The following PPP4R1 variants were observed in gnomAD, a reference collection of about 807,000 sequenced individuals.
The protein encoded by PPP4R1 is serine/threonine-protein phosphatase 4 regulatory subunit 1.
PPP4R1 carries 42 observed loss-of-function variants against 111.2 expected under a neutral mutation model. The observed-to-expected ratio is 0.38, with a 90% confidence interval of 0.29 to 0.49. The LOEUF is 0.49. PPP4R1 is among the 20% of genes least tolerant of loss of function. The pLI is 0.97. For synonymous variants in PPP4R1, 409 were observed against 405.5 expected (o/e 1.01, Z -0.10); for missense variants, 1,012 against 1,161.6 (o/e 0.87, Z 1.87).
At chr18:9,548,226 C>A (rs2066429535) in intron 19 of PPP4R1, among the ~76,000 whole-genome samples, 1 of 150,564 alleles carries the variant, frequency 6.6e-6, no homozygotes, top group Non-Finnish European at 1.5e-5. Flanking sequence ...ATGAAAACAT[C>A]ACACTTCTTA....
rs745526550 is a variant in PPP4R1, at chr18:9,577,100, T to C, written c.1010A>G (p.Lys337Arg). The change falls in exon 10 of 20, where the codon AAA becomes AGA. Residue 337 changes from lysine (K) to arginine (R), a missense_variant. Transcript: ENST00000400556. The stretch of plus-strand genomic sequence containing the variant: ...TTCTACTGACATCTCTTCTGAACTT[T>C]TGCTTTCTTCTTTAAAATACTGGCC... The part of the protein sequence containing the change: ...SSGQYFKEES[K>R]SSEEMSVENK... 2.2e-5 allele frequency: 35 copies of C among 1,595,132 alleles called. No homozygotes were observed. In the Admixed American group the frequency reaches 6.0e-4, roughly 27 times the overall value.
intron 15 of PPP4R1, among the ~76,000 whole-genome samples, chr18:9,555,955 T>C (rs1172087061): frequency 6.7e-6 from 1 of 149,266 alleles, no homozygotes; most frequent in Non-Finnish European, 1.5e-5. Flanking sequence ...GCCAACACGG[T>C]GAAACCCCAT....
Position 9,607,695 on chromosome 18 carries a change from T to C in PPP4R1, c.52+6531A>G, listed in dbSNP as rs756238628. 2.0e-5 allele frequency among the ~76,000 whole-genome samples: 3 copies of C among 152,024 alleles called. No individual in the cohort carries two copies. The South Asian group carries it at 6.2e-4, about 32-fold the overall frequency. ...TCACACTAAGTGTTGACAATGATGA[T>C]GAGGACCTGGAACTCTCATACACTT... On this transcript the variant is annotated intron_variant, in intron 2 of 19. Coordinates refer to ENST00000400556, the MANE Select transcript of PPP4R1 (RefSeq NM_001042388.3).
chr18:9,610,995 TAC>T (rs1244808225), intron 2 of PPP4R1, among the ~76,000 whole-genome samples: 1 of 152,080 alleles, frequency 6.6e-6, no homozygotes, highest in African/African-American at 2.4e-5. Flanking sequence ...TGTGCCTCTG[TAC>T]AGAGACGGGA....
chr18:9,591,346 C>CA lies in PPP4R1; in HGVS notation c.295+2421_295+2422insT, dbSNP rs112843843. Among the ~76,000 whole-genome samples the CA allele has an allele frequency of 3.7e-3, 475 of 127,836 alleles. 1 individual carries two copies. The highest frequency in any genetic ancestry group is 0.011 in the African/African-American group (401 of 35,394). The allele number at this position is 127,836 out of a possible 152,430, so 83.9% of individuals were successfully genotyped here. A position where few individuals can be genotyped will look rare whatever the true frequency, so the allele number is the denominator to read the frequency against. On this transcript the variant is annotated intron_variant, in intron 4 of 19. Coordinates refer to ENST00000400556, the MANE Select transcript of PPP4R1 (RefSeq NM_001042388.3). ...TGGGTGACAGAGTGAGACTCCATCTCCAAAAAAAAAAAAGATACCCAAATA... is the reference window on the plus strand; with the variant it reads ...TGGGTGACAGAGTGAGACTCCATCTCACAAAAAAAAAAAAGATACCCAAATA...
At chr18:9,566,463 AG>A (rs1175287545) in intron 11 of PPP4R1, among the ~76,000 whole-genome samples, 1 of 151,866 alleles carries the variant, frequency 6.6e-6, no homozygotes, top group Non-Finnish European at 1.5e-5. Flanking sequence ...CAGCCTGGCC[AG>A]CATGGTGAAA....
At chr18:9,566,141 C>T (rs1438721842) in intron 11 of PPP4R1, among the ~76,000 whole-genome samples, 1 of 151,856 alleles carries the variant, frequency 6.6e-6, no homozygotes, top group Non-Finnish European at 1.5e-5. Flanking sequence ...AAACTCCTGA[C>T]CTCAGATGAT....
Position 9,588,297 on chromosome 18 carries a change from G to C in PPP4R1, c.439-62C>G, listed in dbSNP as rs1341204148. On this transcript the variant is annotated intron_variant, in intron 5 of 19. Transcript: ENST00000400556. The stretch of plus-strand genomic sequence containing the variant: ...GCAACATGACAAAATTCTATCACTT[G>C]ATTTTTATAAACAAAGATTTCTCAT... The C allele has an allele frequency of 4.6e-6, 7 of 1,510,554 alleles. No individual in the cohort carries two copies. In the South Asian group the frequency reaches 6.2e-5, roughly 13 times the overall value. The allele number at this position is 1,510,554 out of a possible 1,614,324, so 93.6% of individuals were successfully genotyped here.
chr18:9,552,467 A>G (rs1292990726), intron 16 of PPP4R1, among the ~76,000 whole-genome samples: 3 of 152,216 alleles, frequency 2.0e-5, no homozygotes, highest in Non-Finnish European at 4.4e-5. Context: ...ACAAATATGC[A>G]CAATTATTAT....
At chr18:9,594,970 TA>T (rs1335284767) in intron 3 of PPP4R1, 47 bp downstream of exon 3, 2 of 1,594,400 alleles carry the variant, frequency 1.3e-6, no homozygotes, top group Admixed American at 3.4e-5. Context: ...CTGAAGTTAA[TA>T]AAACCACCCT....
chr18:9,563,404 C>A lies in PPP4R1; in HGVS notation c.1720G>T (p.Val574Leu). Residue 574 changes from valine (V) to leucine (L), a missense_variant, in exon 12 of 20, where the codon GTG becomes TTG. Transcript: ENST00000400556. ...PNCKINQEDSVPLISDAVENM... is the reference protein window; with the variant it reads ...PNCKINQEDSLPLISDAVENM... ...TCAACAGCATCGCTGATTAAAGGCA[C>A]AGAATCTTCTTGATTTATTTTACAA... 6.2e-7 allele frequency: 1 copy of A among 1,612,770 alleles called. No homozygotes were observed. The highest frequency in any genetic ancestry group is 8.5e-7 in the Non-Finnish European group (1 of 1,179,398).
In PPP4R1 at chr18:9,563,158, T is replaced by C. The variant is rs1217800183; in HGVS notation, c.1746+220A>G. ...ACATTGAGTCTACTAAATGGTCATA[T>C]AGACAGAAGTGGGATTTACTTTTCC... is the stretch of plus-strand genomic sequence containing the variant. On this transcript the variant is annotated intron_variant, in intron 12 of 19. Transcript: ENST00000400556. 5 of 1,242,316 alleles carry C rather than the reference T, an allele frequency of 4.0e-6. No individual in the cohort carries two copies. The South Asian group carries it at 6.2e-5, about 16-fold the overall frequency. The allele number at this position is 1,242,316 out of a possible 1,614,324, so 77.0% of individuals were successfully genotyped here.
intron 2 of PPP4R1, among the ~76,000 whole-genome samples, chr18:9,604,876 A>G (rs2067452382): frequency 6.6e-6 from 1 of 152,208 alleles, no homozygotes; most frequent in Non-Finnish European, 1.5e-5. Context: ...ATGAAAATGT[A>G]GTCCATAGGG....
chr18:9,553,193 G>C (rs1436263582), intron 16 of PPP4R1, 129 bp downstream of exon 16: 1 of 674,376 alleles, frequency 1.5e-6, no homozygotes, highest in African/African-American at 1.8e-5. Context: ...ATTACAGGAA[G>C]CGTTAAAGGG....
At chr18:9,597,287 G>C (rs1298212540) in intron 2 of PPP4R1, among the ~76,000 whole-genome samples, 1 of 152,168 alleles carries the variant, frequency 6.6e-6, no homozygotes, top group East Asian at 1.9e-4. Flanking sequence ...ATAATTTCCA[G>C]AGCACTAGGA....
intron 2 of PPP4R1, among the ~76,000 whole-genome samples, chr18:9,600,878 C>CA (rs1027428296): frequency 6.7e-6 from 1 of 149,452 alleles, no homozygotes; most frequent in Non-Finnish European, 1.5e-5. Context: ...GAGAATGTCT[C>CA]AAAAAAAGAA....
chr18:9,567,615 T>C (rs943625891), intron 11 of PPP4R1, among the ~76,000 whole-genome samples: 1 of 152,222 alleles, frequency 6.6e-6, no homozygotes, highest in Non-Finnish European at 1.5e-5. Flanking sequence ...GTGAACATTG[T>C]TGAAATGACA....
intron 2 of PPP4R1, chr18:9,613,521 C>A (rs749296561): frequency 3.5e-4 from 53 of 152,280 alleles, no homozygotes; most frequent in Middle Eastern, 6.8e-3. Context: ...TTAAAAACTT[C>A]AGTACCTCAA....
chr18:9,572,155 G>A (rs542697299), intron 10 of PPP4R1, among the ~76,000 whole-genome samples: 37 of 152,254 alleles, frequency 2.4e-4, no homozygotes, highest in African/African-American at 7.9e-4. Context: ...AGCTATCCAC[G>A]TTGGGTTCTA....
Sources: gnomAD v4.1 joint callset for allele counts (sites outside exome capture counted in the v4.1 genomes callset) on GRCh38, gnomAD v4.1.1 for gene constraint, MANE v1.5 for transcripts, NCBI Gene and HGNC (gene_info 2026-07-23, HGNC 2026-07-21) for gene names.